NDUFA10: variants seen among roughly 807,000 people sequenced by gnomAD.
The protein encoded by NDUFA10 is NADH dehydrogenase [ubiquinone] 1 alpha subcomplex subunit 10, mitochondrial.
Under a neutral mutation model 47.8 loss-of-function variants are expected in NDUFA10, and 40 were observed. That is an observed-to-expected ratio of 0.84 (90% CI 0.65 to 1.09). The LOEUF (loss-of-function observed/expected upper bound fraction) is 1.09. Among genes scored for constraint, NDUFA10 ranks in the 50% least tolerant of loss-of-function variants. NDUFA10 has a pLI of 0.00. For missense variants in NDUFA10, 413 were observed against 451.1 expected, an observed-to-expected ratio of 0.92 and a Z score of 0.76; for synonymous variants, 183 against 172.2, an observed-to-expected ratio of 1.06 and a Z score of -0.49.
intron 4 of NDUFA10, among the ~76,000 whole-genome samples, chr2:239,907,958 T>C (rs1419902047): frequency 6.6e-6 from 1 of 152,214 alleles, no homozygotes; most frequent in South Asian, 2.1e-4. Flanking sequence ...GTATGTTTAT[T>C]GCGGCACTAT....
intron 9 of NDUFA10, chr2:239,982,278 T>G (rs1210753609): frequency 4.4e-6 from 7 of 1,591,918 alleles, no homozygotes; most frequent in Non-Finnish European, 6.0e-6. Context: ...CCGACTTTAC[T>G]TTTCTTTAGT....
intron 8 of NDUFA10, 99 bp from the exon 9 acceptor site, chr2:239,990,281 C>CTA: frequency 1.1e-6 from 1 of 899,994 alleles, no homozygotes; most frequent in Non-Finnish European, 1.8e-6. Flanking sequence ...TATAAAAAAT[C>CTA]TATATATCCC....
At chr2:239,913,599 G>A (rs976240570) in intron 4 of NDUFA10, among the ~76,000 whole-genome samples, 12 of 152,204 alleles carry the variant, frequency 7.9e-5, no homozygotes, top group Non-Finnish European at 1.5e-4. Context: ...TGGGCCACAC[G>A]GCCCAAGGGG....
At chr2:239,925,974 A>G (rs993815282) in intron 4 of NDUFA10, among the ~76,000 whole-genome samples, 3 of 152,254 alleles carry the variant, frequency 2.0e-5, no homozygotes, top group African/African-American at 7.2e-5. Context: ...AGCAACTAAA[A>G]TTAAAAATAG....
chr2:239,937,304 C>T (rs1694280942), intron 4 of NDUFA10, among the ~76,000 whole-genome samples: 1 of 152,180 alleles, frequency 6.6e-6, no homozygotes, highest in Non-Finnish European at 1.5e-5. Context: ...GTAACTACTG[C>T]GGTATGATTT....
chr2:239,967,373 G>A (rs970046643), intron 9 of NDUFA10, among the ~76,000 whole-genome samples: 2 of 152,122 alleles, frequency 1.3e-5, no homozygotes, highest in African/African-American at 4.8e-5. Flanking sequence ...GGCCTCACTG[G>A]CACAACCTGG....
At chr2:239,967,024 C>T (rs571341785) in intron 9 of NDUFA10, among the ~76,000 whole-genome samples, 13 of 152,234 alleles carry the variant, frequency 8.5e-5, no homozygotes, top group Non-Finnish European at 1.3e-4. Flanking sequence ...CAGCCTAGGG[C>T]TGTGTCTGTT....
intron 8 of NDUFA10, among the ~76,000 whole-genome samples, chr2:239,996,718 C>T (rs1286602824): frequency 6.6e-6 from 1 of 152,202 alleles, no homozygotes; most frequent in Non-Finnish European, 1.5e-5. Context: ...TGAAGCTTGT[C>T]CAACCCATGG....
intron 9 of NDUFA10, among the ~76,000 whole-genome samples, chr2:239,982,612 A>C (rs996965101): frequency 3.3e-5 from 5 of 152,170 alleles, no homozygotes; most frequent in African/African-American, 1.2e-4. Flanking sequence ...TCCTGTCTCC[A>C]GGCCCTATCT....
At chr2:239,944,626 G>A (rs886263974) in intron 4 of NDUFA10, among the ~76,000 whole-genome samples, 6 of 152,174 alleles carry the variant, frequency 3.9e-5, no homozygotes, top group Admixed American at 2.6e-4. Flanking sequence ...ACTCAGAACC[G>A]ACAAAAACTC....
chr2:239,959,746 A>G lies in NDUFA10; in HGVS notation c.*1372T>C. 1 of 725,488 alleles carries G rather than the reference A, an allele frequency of 1.4e-6. No homozygotes were observed. The allele number at this position is 725,488 out of a possible 1,614,324, so 44.9% of individuals were successfully genotyped here. ...ACAGACGGAAGGAAGGAAGAGAAGG[A>G]GGGAAGGAAAGAGGCAGGGAGGAAG... On this transcript the variant is annotated 3_prime_UTR_variant, in exon 10 of 10. Coordinates refer to ENST00000252711, the MANE Select transcript of NDUFA10 (RefSeq NM_004544.4).
intron 4 of NDUFA10, among the ~76,000 whole-genome samples, chr2:239,933,457 C>T (rs1212755679): frequency 3.3e-5 from 5 of 152,126 alleles, no homozygotes; most frequent in Non-Finnish European, 5.9e-5. Flanking sequence ...GCCAGTCCTG[C>T]CACCACTGCT....
chr2:239,996,883 A>T (rs1286346111), intron 8 of NDUFA10, among the ~76,000 whole-genome samples: 2 of 151,710 alleles, frequency 1.3e-5, no homozygotes, highest in Non-Finnish European at 2.9e-5. Context: ...TTCTTCTTCC[A>T]ATGTGGCCCA....
At chr2:239,957,059 C>G (rs1029182414), downstream of NDUFA10, among the ~76,000 whole-genome samples, 3 of 152,188 alleles carry the variant, frequency 2.0e-5, no homozygotes, top group African/African-American at 7.2e-5. Context: ...GGGGGGTGCC[C>G]TGCAGCTCAG....
downstream of NDUFA10, among the ~76,000 whole-genome samples, chr2:239,954,762 TAACA>T (rs1175381060): frequency 6.6e-6 from 1 of 152,186 alleles, no homozygotes; most frequent in African/African-American, 2.4e-5. Flanking sequence ...TACTCACTGC[TAACA>T]AACAGCTGGA....
At chr2:239,936,491 C>T (rs1367435867) in intron 4 of NDUFA10, among the ~76,000 whole-genome samples, 1 of 152,142 alleles carries the variant, frequency 6.6e-6, no homozygotes, top group Non-Finnish European at 1.5e-5. Flanking sequence ...ACCGAGGGGG[C>T]CCTAAAGTAA....
intron 4 of NDUFA10, among the ~76,000 whole-genome samples, chr2:239,910,824 C>A (rs1254985404): frequency 6.6e-6 from 1 of 151,592 alleles, no homozygotes; most frequent in South Asian, 2.1e-4. Flanking sequence ...ATCACTTAAG[C>A]CACCTTGCCC....
Position 239,960,965 on chromosome 2 carries a change from G to A in NDUFA10, c.*153C>T. The A allele has an allele frequency of 1.4e-5, 22 of 1,535,092 alleles. No homozygotes were observed. The highest frequency in any genetic ancestry group is 1.7e-5 in the Non-Finnish European group (19 of 1,140,476). On this transcript the variant is annotated 3_prime_UTR_variant, in exon 10 of 10. Coordinates refer to ENST00000252711, the MANE Select transcript of NDUFA10 (RefSeq NM_004544.4). ...CCCCAACTCCATTACCTATACTACA[G>A]GATGGATTGCTTTTTGTGAGACCCC...
At chr2:240,019,395 C>CT (rs775648051) in intron 3 of NDUFA10, among the ~76,000 whole-genome samples, 58 of 151,878 alleles carry the variant, frequency 3.8e-4, no homozygotes, top group African/African-American at 1.3e-3. Flanking sequence ...GCAAGCTGCA[C>CT]TTTTTTTTTC....
Sources: allele counts gnomAD v4.1 joint callset (sites outside exome capture counted in the v4.1 genomes callset), GRCh38; gene constraint gnomAD v4.1.1; transcripts MANE v1.5; gene names NCBI Gene and HGNC (gene_info 2026-07-23, HGNC 2026-07-21).